Variants in ZSWIM2 observed in about 807,000 individuals in gnomAD.
ZSWIM2 encodes zinc finger SWIM-type containing 2.
Under a neutral mutation model 48.4 loss-of-function variants are expected in ZSWIM2, and 38 were observed. The observed-to-expected ratio is 0.79, with a 90% CI of 0.61 to 1.03. ZSWIM2 has a LOEUF of 1.03. ZSWIM2 is among the 50% of genes least tolerant of loss of function. The pLI, the probability that ZSWIM2 is intolerant of heterozygous loss-of-function variation, is 0.00. For missense variants in ZSWIM2, 776 were observed against 730.2 expected (o/e 1.06, Z -0.72); for synonymous variants, 240 against 251.3 (o/e 0.96, Z 0.42).
Position 186,847,725 on chromosome 2 carries a change from A to T in ZSWIM2, c.236T>A (p.Ile79Asn), listed in dbSNP as rs1692031494. 4 of 1,603,156 alleles carry T rather than the reference A, an allele frequency of 2.5e-6. No homozygotes were observed. In the South Asian group the frequency reaches 4.5e-5, roughly 18 times the overall value. The change falls in exon 2 of 9, where the codon ATC (isoleucine) becomes AAC (asparagine). Residue 79 changes from isoleucine (I) to asparagine (N), a missense_variant. By Grantham distance (149) the Ile-to-Asn change is moderately radical (BLOSUM62 -3). Transcript: ENST00000295131. ...CATTTGAAAAGTCACTTACCAGCAG[A>T]TATGCTTACAAAGTTCCCCTCCTTT... Reference protein sequence around the residue: ...FPKGGELCKHICWVLLKKFKL... With the variant: ...FPKGGELCKHNCWVLLKKFKL...
rs1391053665 is a variant in ZSWIM2, at chr2:186,828,475, A to G, written c.1411T>C (p.Cys471Arg). 1 of 1,613,372 alleles carries G rather than the reference A, an allele frequency of 6.2e-7. No homozygotes were observed. The highest frequency in any genetic ancestry group is 8.5e-7 in the Non-Finnish European group (1 of 1,179,710). Residue 471 changes from cysteine (C) to arginine (R), a missense_variant, in exon 9 of 9, where the codon TGC (cysteine) becomes CGC (arginine). Coordinates refer to ENST00000295131, the MANE Select transcript of ZSWIM2 (RefSeq NM_182521.3). ...AYENTTIDNLCSIKLDNSNSK... is the reference protein window; with the variant it reads ...AYENTTIDNLRSIKLDNSNSK... Reference sequence around the variant, plus strand: ...TTTGAATTATCTAATTTGATAGAGCATAGATTATCTATTGTTGTATTTTCA... The same window carrying G: ...TTTGAATTATCTAATTTGATAGAGCGTAGATTATCTATTGTTGTATTTTCA...
At chr2:186,846,882 T>C (rs1692013718) in intron 2 of ZSWIM2, among the ~76,000 whole-genome samples, 1 of 151,314 alleles carries the variant, frequency 6.6e-6, no homozygotes, top group African/African-American at 2.4e-5. Context: ...TGTAGCAGCA[T>C]GGATGGAACT....
At chr2:186,847,878 G>A in intron 1 of ZSWIM2, 83 bp from the exon 2 acceptor site, 1 of 992,762 alleles carries the variant, frequency 1.0e-6, no homozygotes, top group Non-Finnish European at 1.5e-6. Flanking sequence ...GAGATTTGAA[G>A]AGGTAATTTA....
At position 186,827,947 on chromosome 2, in the gene ZSWIM2, T is replaced by A; in HGVS notation, c.*37A>T. On this transcript the variant is annotated 3_prime_UTR_variant, in exon 9 of 9. Coordinates refer to ENST00000295131, the MANE Select transcript of ZSWIM2 (RefSeq NM_182521.3). ...ATGTTCTATATAAAACATTTTTTTA[T>A]ATTCAACATTCAAATATTTTCAGAT... 1 of 1,449,998 alleles carries A rather than the reference T, an allele frequency of 6.9e-7. No homozygotes were observed. The highest frequency in any genetic ancestry group is 9.2e-7 in the Non-Finnish European group (1 of 1,085,718). The allele number at this position is 1,449,998 out of a possible 1,614,324, so 89.8% of individuals were successfully genotyped here. A position where few individuals can be genotyped will look rare whatever the true frequency, so the allele number is the denominator to read the frequency against.
At position 186,845,056 on chromosome 2, in the gene ZSWIM2, G is replaced by A. The variant is rs1463160344; in HGVS notation, c.243-299C>T. On this transcript the variant is annotated intron_variant, in intron 2 of 8. Coordinates refer to ENST00000295131, the MANE Select transcript of ZSWIM2 (RefSeq NM_182521.3). ...CAGTTATTCAAAGGGAAAGGATAATGAGGGGATTTAGGTTTTTATGGTACT... is the reference window on the plus strand; with the variant it reads ...CAGTTATTCAAAGGGAAAGGATAATAAGGGGATTTAGGTTTTTATGGTACT... 4.0e-5 allele frequency among the ~76,000 whole-genome samples: 6 copies of A among 151,534 alleles called. No individual in the cohort carries two copies. In the South Asian group the frequency reaches 6.2e-4, roughly 16 times the overall value.
rs76795981 is a variant in ZSWIM2, at chr2:186,836,147, C to G, written c.743+1159G>C. Among the ~76,000 whole-genome samples, 65 of 152,068 alleles carry G rather than the reference C, an allele frequency of 4.3e-4. 2 individuals carry two copies. The East Asian group carries it at 0.013, about 29-fold the overall frequency. On this transcript the variant is annotated intron_variant, in intron 5 of 8. Coordinates refer to ENST00000295131, the MANE Select transcript of ZSWIM2 (RefSeq NM_182521.3). ...CTGTGGCCCTCACATGTCCTTGTTC[C>G]CCCACATGTCCCAGCCCCCACTTTT...
At chr2:186,848,014 T>G (rs73037793) in intron 1 of ZSWIM2, among the ~76,000 whole-genome samples, 3,302 of 152,308 alleles carry the variant, frequency 0.022, 113 homozygotes, top group African/African-American at 0.076. Context: ...TAAAGTGACC[T>G]GCCCTTAGGC....
In ZSWIM2 at chr2:186,842,303, G is replaced by A. The variant is rs951638899; in HGVS notation, c.283+2414C>T. Among the ~76,000 whole-genome samples, 61 of 150,912 alleles carry A rather than the reference G, an allele frequency of 4.0e-4. No homozygotes were observed. The Middle Eastern group carries it at 0.01, about 25-fold the overall frequency. On this transcript the variant is annotated intron_variant, in intron 3 of 8. Coordinates refer to ENST00000295131, the MANE Select transcript of ZSWIM2 (RefSeq NM_182521.3). The stretch of plus-strand genomic sequence containing the variant: ...TAATTTAAATGATAAATTTAAGATC[G>A]CTAAGACTTTCTTTGAATATTATTA...
At chr2:186,831,354 C>A (rs553727747) in intron 7 of ZSWIM2, among the ~76,000 whole-genome samples, 1 of 142,730 alleles carries the variant, frequency 7.0e-6, no homozygotes, top group South Asian at 2.1e-4. Context: ...TGTATGTATA[C>A]GTGTGTGGGG....
chr2:186,828,936 T>G (rs1428327665), intron 8 of ZSWIM2, 146 bp from the exon 9 acceptor site: 3 of 556,400 alleles, frequency 5.4e-6, no homozygotes, highest in Non-Finnish European at 8.4e-6. Context: ...TATGAAAATA[T>G]TTTGAAGAAG....
chr2:186,847,681 T>C, intron 2 of ZSWIM2, 38 bp downstream of exon 2: 1 of 1,481,072 alleles, frequency 6.8e-7, no homozygotes, highest in Non-Finnish European at 9.3e-7. Flanking sequence ...CACCAAGATG[T>C]TCCTTCATGG....
rs1221136609 is a variant in ZSWIM2, at chr2:186,828,785, G to A, written c.1101C>T (p.His367=). ...ATAACCAGTTGTCAATACACTTCCT[G>A]TGAAACTTTAAAAAAAAGGTAAGCT... The part of the protein sequence containing the change: ...TRLLPCTHKF[H]RKCIDNWLFH... The change falls in exon 9 of 9, where the codon CAC becomes CAT. Residue 367 remains histidine (H), a synonymous_variant. Coordinates refer to ENST00000295131, the MANE Select transcript of ZSWIM2 (RefSeq NM_182521.3). 1 of 1,514,680 alleles carries A rather than the reference G, an allele frequency of 6.6e-7. No homozygotes were observed. Among genetic ancestry groups the A allele is most frequent in the African/African-American group, 1.5e-5 (1 of 65,652 alleles). 93.8% of individuals were successfully genotyped at this position (1,514,680 alleles called of 1,614,324 possible). A position where few individuals can be genotyped will look rare whatever the true frequency, so the allele number is the denominator to read the frequency against.
At position 186,847,803 on chromosome 2, in the gene ZSWIM2, G is replaced by T; in HGVS notation, c.166-8C>A. ...AGGATTTCCTAGAAAAACCTTTAAA[G>T]GAAAAATGCATACTTAAAAAGACCA... On this transcript the variant is annotated splice_region_variant and splice_polypyrimidine_tract_variant and intron_variant, in intron 1 of 8. Transcript: ENST00000295131. The T allele has an allele frequency of 1.3e-6, 2 of 1,598,608 alleles. No homozygotes were observed. The highest frequency in any genetic ancestry group is 1.1e-5 in the South Asian group (1 of 88,254).
At chr2:186,831,365 G>A (rs1041991084) in intron 7 of ZSWIM2, among the ~76,000 whole-genome samples, 1 of 150,956 alleles carries the variant, frequency 6.6e-6, no homozygotes, top group Non-Finnish European at 1.5e-5. Flanking sequence ...GTGTGTGGGG[G>A]TACAGGTGTA....
chr2:186,831,792 G>A (rs962737858), intron 7 of ZSWIM2, among the ~76,000 whole-genome samples: 30 of 151,846 alleles, frequency 2.0e-4, no homozygotes, highest in African/African-American at 5.3e-4. Context: ...ACCAAACACC[G>A]CATGTTCTCA....
chr2:186,836,598 CTG>C (rs1408594417), intron 5 of ZSWIM2, among the ~76,000 whole-genome samples: 1 of 151,900 alleles, frequency 6.6e-6, no homozygotes, highest in Admixed American at 6.6e-5. Flanking sequence ...GAAAAATAAA[CTG>C]ATACATTTCA....
intron 3 of ZSWIM2, among the ~76,000 whole-genome samples, chr2:186,843,140 T>C (rs1330036129): frequency 6.6e-6 from 1 of 151,632 alleles, no homozygotes; most frequent in Non-Finnish European, 1.5e-5. Context: ...TACTAGAAAA[T>C]TACATATGTA....
chr2:186,827,896 A>G lies in ZSWIM2; in HGVS notation c.*88T>C. 8.8e-7 allele frequency: 1 copy of G among 1,142,338 alleles called. No homozygotes were observed. The highest frequency in any genetic ancestry group is 1.2e-6 in the Non-Finnish European group (1 of 837,984). The allele number at this position is 1,142,338 out of a possible 1,614,324, so 70.8% of individuals were successfully genotyped here. Reference sequence around the variant, plus strand: ...AATTCCAACAGAGAATTTTATATACATTTGTCAAGACTATGTGTGCTTTTT... The same window carrying G: ...AATTCCAACAGAGAATTTTATATACGTTTGTCAAGACTATGTGTGCTTTTT... On this transcript the variant is annotated 3_prime_UTR_variant, in exon 9 of 9. Transcript: ENST00000295131.
In ZSWIM2 at chr2:186,827,562, T is replaced by TC. The variant is rs1691619540; in HGVS notation, c.*421_*422insG. ...TATGGAGTTTTTTAAGGTTTTTTTT[T>TC]ATAGGTTTGTGGTAATTACTAGTGC... On this transcript the variant is annotated 3_prime_UTR_variant, in exon 9 of 9. Transcript: ENST00000295131. Among the ~76,000 whole-genome samples the TC allele has an allele frequency of 6.6e-6, 1 of 151,764 alleles. No homozygotes were observed. The highest frequency in any genetic ancestry group is 2.4e-5 in the African/African-American group (1 of 41,372).
Sources: allele counts gnomAD v4.1 joint callset (sites outside exome capture counted in the v4.1 genomes callset), GRCh38; gene constraint gnomAD v4.1.1; transcripts MANE v1.5; gene names NCBI Gene and HGNC (gene_info 2026-07-23, HGNC 2026-07-21).